CAPN10: variants seen among roughly 807,000 people sequenced by gnomAD.
CAPN10 encodes calpain 10.
A neutral mutation model predicts 78.4 loss-of-function variants in CAPN10; 71 were observed. The observed-to-expected ratio is 0.91, with a 90% CI of 0.75 to 1.10. CAPN10 has a LOEUF of 1.10. Ranked by LOEUF, CAPN10 falls within the 50% of genes least tolerant of loss-of-function variation. The pLI is 0.00. For synonymous variants in CAPN10, 437 were observed against 407.2 expected (o/e 1.07, Z -0.88); for missense variants, 849 against 924.6 (o/e 0.92, Z 1.06).
intron 3 of CAPN10, chr2:240,591,299 A>G (rs2093100537): frequency 2.7e-6 from 1 of 375,768 alleles, no homozygotes; most frequent in Non-Finnish European, 4.8e-6. Context: ...TATCGGCCCC[A>G]GCAAGAAAGA....
In CAPN10 at chr2:240,595,316, C is replaced by G; in HGVS notation, c.1278+12C>G. ...TGCACCTCTGGAAGGTAACTCAGCC[C>G]CGTCTGGCTCACGCTCGGTTCAGCA... On this transcript the variant is annotated intron_variant, in intron 7 of 11. Coordinates refer to ENST00000391984, the MANE Select transcript of CAPN10 (RefSeq NM_023083.4). The G allele has an allele frequency of 6.2e-7, 1 of 1,610,994 alleles. No individual in the cohort carries two copies. The highest frequency in any genetic ancestry group is 8.5e-7 in the Non-Finnish European group (1 of 1,179,766).
At position 240,589,757 on chromosome 2, in the gene CAPN10, G is replaced by A. The variant is rs76632318; in HGVS notation, c.273+283G>A. On this transcript the variant is annotated intron_variant, in intron 2 of 11. Coordinates refer to ENST00000391984, the MANE Select transcript of CAPN10 (RefSeq NM_023083.4). ...GGACTCCATGGAGTCAGATCACCAC[G>A]TTTAGAATAAAGAGACAAATGTGCC... The A allele has an allele frequency of 5.6e-3, 2,094 of 372,226 alleles. 8 individuals carry two copies. The highest frequency in any genetic ancestry group is 8.8e-3 in the African/African-American group (423 of 47,812). 23.1% of individuals were successfully genotyped at this position (372,226 alleles called of 1,614,324 possible).
chr2:240,588,338 C>T (rs1408214287), intron 1 of CAPN10, among the ~76,000 whole-genome samples: 3 of 151,920 alleles, frequency 2.0e-5, no homozygotes, highest in East Asian at 1.9e-4. Flanking sequence ...GAGAGTGTCT[C>T]GGGGGAGTAT....
chr2:240,588,187 T>G (rs2093080082), intron 1 of CAPN10, among the ~76,000 whole-genome samples: 1 of 152,176 alleles, frequency 6.6e-6, no homozygotes, highest in Non-Finnish European at 1.5e-5. Flanking sequence ...AGAGTTGGGC[T>G]TTGCTCTCAC....
chr2:240,589,997 GC>G (rs1027835417), intron 2 of CAPN10: 3 of 155,100 alleles, frequency 1.9e-5, no homozygotes, highest in Non-Finnish European at 2.9e-5. Context: ...GCTAAGTGTT[GC>G]TGATTAATGC....
In CAPN10 at chr2:240,598,845, G is replaced by A. The variant is rs1050537025; in HGVS notation, c.*165G>A. On this transcript the variant is annotated 3_prime_UTR_variant, in exon 12 of 12. Transcript: ENST00000391984. ...GCCTAGGGGTCCACGGGAAGCCTCC[G>A]TCAGGAGAGACGCAGCCCTGGGGGC... 1.8e-5 allele frequency: 12 copies of A among 665,804 alleles called. No individual in the cohort carries two copies. The highest frequency in any genetic ancestry group is 2.7e-5 in the East Asian group (1 of 36,460). The allele number at this position is 665,804 out of a possible 1,614,324, so 41.2% of individuals were successfully genotyped here. A position where few individuals can be genotyped will look rare whatever the true frequency, so the allele number is the denominator to read the frequency against.
In CAPN10 at chr2:240,597,948, A is replaced by T. The variant is rs1360017781; in HGVS notation, c.1804A>T (p.Ser602Cys). 6.2e-7 allele frequency: 1 copy of T among 1,612,854 alleles called. No homozygotes were observed. The highest frequency in any genetic ancestry group is 1.7e-5 in the Admixed American group (1 of 59,986). The change falls in exon 10 of 12, where the codon AGC becomes TGC. Residue 602 changes from serine (S) to cysteine (C), a missense_variant. Coordinates refer to ENST00000391984, the MANE Select transcript of CAPN10 (RefSeq NM_023083.4). ...ACTGCTGCTGCAGGAGCCGCTGCTGAGCTGCGTGCCACATCGCTACGCCCA... is the reference window on the plus strand; with the variant it reads ...ACTGCTGCTGCAGGAGCCGCTGCTGTGCTGCGTGCCACATCGCTACGCCCA... Reference protein sequence around the residue: ...PPLLLQEPLLSCVPHRYAQEV... With the variant: ...PPLLLQEPLLCCVPHRYAQEV...
chr2:240,598,218 G>C (rs898186454), intron 10 of CAPN10, 131 bp downstream of exon 10: 1 of 1,388,834 alleles, frequency 7.2e-7, no homozygotes, highest in African/African-American at 1.4e-5. Context: ...GACCAGGGCT[G>C]TCCTGCCTAC....
rs1303833445 is a variant in CAPN10 at position 240,591,971 on chromosome 2, T to C, written c.509T>C (p.Val170Ala). 1 of 1,613,520 alleles carries C rather than the reference T, an allele frequency of 6.2e-7. No individual in the cohort carries two copies. ...GSYEHLWAGQVADALVDLTGG... is the reference protein window; with the variant it reads ...GSYEHLWAGQAADALVDLTGG... The stretch of plus-strand genomic sequence containing the variant: ...TACGAGCACCTGTGGGCCGGGCAGG[T>C]GGCGGATGCCCTGGTGGACCTGACC... The change falls in exon 4 of 12, where the codon GTG becomes GCG. Residue 170 changes from valine to alanine, a missense_variant. Transcript: ENST00000391984.
At chr2:240,593,796 TG>T in intron 4 of CAPN10, 109 bp from the exon 5 acceptor site, 3 of 1,309,300 alleles carry the variant, frequency 2.3e-6, no homozygotes, top group Non-Finnish European at 3.1e-6. Context: ...GTAGCCATAG[TG>T]GGGTGGGCTG....
intron 7 of CAPN10, among the ~76,000 whole-genome samples, chr2:240,595,538 G>A (rs1202122809): frequency 6.6e-6 from 1 of 152,248 alleles, no homozygotes; most frequent in Non-Finnish European, 1.5e-5. Context: ...TTGGCCAAAG[G>A]AAAGCAACAG....
chr2:240,592,142 C>A lies in CAPN10; in HGVS notation c.680C>A (p.Pro227His). 6.4e-7 allele frequency: 1 copy of A among 1,563,674 alleles called. No homozygotes were observed. The highest frequency in any genetic ancestry group is 2.3e-5 in the East Asian group (1 of 42,682). ...QCLISCCVLSPRAGARELGEF... is the reference protein window; with the variant it reads ...QCLISCCVLSHRAGARELGEF... ...CTGATCAGCTGCTGCGTGCTCAGCC[C>A]CAGAGCAGGTGAGGCACGTGGCCAG... The change falls in exon 4 of 12, where the codon CCC becomes CAC. Residue 227 changes from proline to histidine, a missense_variant. By Grantham distance (77) the Pro-to-His change is moderately conservative. Coordinates refer to ENST00000391984, the MANE Select transcript of CAPN10 (RefSeq NM_023083.4).
At chr2:240,596,058 G>C (rs1448575114) in intron 7 of CAPN10, 3 of 1,520,216 alleles carry the variant, frequency 2.0e-6, no homozygotes, top group Non-Finnish European at 2.7e-6. Context: ...GGTTGCCTGG[G>C]CCACGGTGCC....
In CAPN10 at chr2:240,596,743, G is replaced by A; in HGVS notation, c.1544G>A (p.Gly515Glu). 1 of 1,602,094 alleles carries A rather than the reference G, an allele frequency of 6.2e-7. No homozygotes were observed. Among genetic ancestry groups the A allele is most frequent in the Non-Finnish European group, 8.5e-7 (1 of 1,173,518 alleles). ...PGAALPAGEW[G>E]TVQLRGSWRV... Reference sequence around the variant, plus strand: ...GCAGCCCTGCCTGCGGGGGAGTGGGGGACCGTGCAGCTACGGGGTTCTTGG... The same window carrying A: ...GCAGCCCTGCCTGCGGGGGAGTGGGAGACCGTGCAGCTACGGGGTTCTTGG... The change falls in exon 9 of 12, where the codon GGG (glycine) becomes GAG (glutamate). Residue 515 changes from glycine to glutamate, a missense_variant. Physicochemically the swap from Gly to Glu is moderately conservative, Grantham distance 98. Transcript: ENST00000391984.
At chr2:240,591,358 T>A in intron 3 of CAPN10, 1 of 273,240 alleles carries the variant, frequency 3.7e-6, no homozygotes, top group South Asian at 6.5e-5. Context: ...AGACTCATTG[T>A]GTAGTCGTTG....
In CAPN10 at chr2:240,595,179, T is replaced by C. The variant is rs772872543; in HGVS notation, c.1153T>C (p.Ser385Pro). 2 of 1,613,668 alleles carry C rather than the reference T, an allele frequency of 1.2e-6. No homozygotes were observed. The highest frequency in any genetic ancestry group is 1.7e-5 in the Admixed American group (1 of 60,000). ...GGTGTACATTGCCGTCCTGCAGAGA[T>C]CCAGGCTGCACGCGGCGGACTGGGC... The part of the protein sequence containing the change: ...SEVYIAVLQR[S>P]RLHAADWAGR... Residue 385 changes from serine to proline, a missense_variant, in exon 7 of 12, where the codon TCC becomes CCC. By Grantham distance (74) the Ser-to-Pro change is moderately conservative. Coordinates refer to ENST00000391984, the MANE Select transcript of CAPN10 (RefSeq NM_023083.4).
intron 10 of CAPN10, 57 bp from the exon 11 acceptor site, chr2:240,598,295 A>C (rs1575453676): frequency 6.3e-7 from 1 of 1,593,194 alleles, no homozygotes; most frequent in Non-Finnish European, 8.6e-7. Context: ...CCAGGAGCAC[A>C]CAGCCACTTG....
At chr2:240,593,190 G>C (rs2093113781) in intron 4 of CAPN10, among the ~76,000 whole-genome samples, 1 of 152,216 alleles carries the variant, frequency 6.6e-6, no homozygotes, top group Admixed American at 6.5e-5. Context: ...TCCAGGGTGG[G>C]GTAGCGCTAA....
At chr2:240,596,003 C>A in intron 7 of CAPN10, 1 of 1,438,742 alleles carries the variant, frequency 7.0e-7, no homozygotes, top group Non-Finnish European at 9.3e-7. Context: ...TTCCTTTCCT[C>A]TTGCAAAAGA....
Sources: allele counts gnomAD v4.1 joint callset (sites outside exome capture counted in the v4.1 genomes callset), GRCh38; gene constraint gnomAD v4.1.1; transcripts MANE v1.5; gene names NCBI Gene and HGNC (gene_info 2026-07-23, HGNC 2026-07-21).